Variants in PCDHA11 observed in about 807,000 individuals in gnomAD.
The protein encoded by PCDHA11 is protocadherin alpha 11, also known as protocadherin alpha-11.
A neutral mutation model predicts 70.3 loss-of-function variants in PCDHA11; 61 were observed. The ratio of observed to expected loss-of-function variants is 0.87; its 90% CI spans 0.71 to 1.07. The LOEUF (loss-of-function observed/expected upper bound fraction) is 1.07. Among genes scored for constraint, PCDHA11 ranks in the 50% least tolerant of loss-of-function variants. PCDHA11 has a pLI of 0.00. For missense variants in PCDHA11, 1,324 were observed against 1,237.5 expected, an observed-to-expected ratio of 1.07 and a Z score of -1.05; for synonymous variants, 633 against 555.1, an observed-to-expected ratio of 1.14 and a Z score of -1.97.
intron 1 of PCDHA11, among the ~76,000 whole-genome samples, chr5:140,909,417 G>A (rs1016868783): frequency 2.0e-5 from 3 of 152,156 alleles, no homozygotes; most frequent in Non-Finnish European, 1.5e-5. Flanking sequence ...TTACCATTTG[G>A]TTAAACTTAT....
chr5:140,981,101 G>A (rs1484209084), intron 2 of PCDHA11, among the ~76,000 whole-genome samples: 1 of 152,196 alleles, frequency 6.6e-6, no homozygotes, highest in Non-Finnish European at 1.5e-5. Flanking sequence ...TTTAATGAGT[G>A]AATTTCTACT....
chr5:140,907,582 G>A (rs978225789), intron 1 of PCDHA11, among the ~76,000 whole-genome samples: 1 of 152,190 alleles, frequency 6.6e-6, no homozygotes, highest in Admixed American at 6.5e-5. Flanking sequence ...CAGGTAGCTG[G>A]CTGATCACCC....
chr5:140,935,286 C>T (rs1283279527), intron 1 of PCDHA11, among the ~76,000 whole-genome samples: 1 of 152,150 alleles, frequency 6.6e-6, no homozygotes, highest in Non-Finnish European at 1.5e-5. Context: ...TAAAGTTCAG[C>T]ACTCCGAGGT....
chr5:140,966,932 G>T, intron 1 of PCDHA11: 2 of 1,603,726 alleles, frequency 1.2e-6, no homozygotes, highest in Non-Finnish European at 1.7e-6. Context: ...GGCACCCGGC[G>T]CGCTCGTGGG....
intron 3 of PCDHA11, among the ~76,000 whole-genome samples, chr5:140,988,517 T>C (rs184897922): frequency 3.0e-3 from 461 of 152,278 alleles, no homozygotes; most frequent in Middle Eastern, 0.014. Context: ...CTTACTTAAG[T>C]CTCTGCTGGC....
intron 1 of PCDHA11, among the ~76,000 whole-genome samples, chr5:140,925,950 A>G (rs2082820493): frequency 6.6e-6 from 1 of 152,030 alleles, no homozygotes. Flanking sequence ...GGAGAAGGAG[A>G]AACTGCTATC....
At chr5:140,888,487 A>G (rs2061843954) in intron 1 of PCDHA11, among the ~76,000 whole-genome samples, 1 of 152,162 alleles carries the variant, frequency 6.6e-6, no homozygotes, top group Admixed American at 6.5e-5. Context: ...CTGTTGAGAA[A>G]CTCTGCTTTA....
intron 1 of PCDHA11, among the ~76,000 whole-genome samples, chr5:140,906,909 G>A (rs1477484139): frequency 1.3e-5 from 2 of 152,174 alleles, no homozygotes; most frequent in Admixed American, 6.5e-5. Flanking sequence ...TTAAAGGTAG[G>A]AGGAGCCCAA....
chr5:140,929,164 G>A (rs1554206780), intron 1 of PCDHA11: 10 of 1,614,150 alleles, frequency 6.2e-6, no homozygotes, highest in East Asian at 2.2e-5. Context: ...TCTCTATCGG[G>A]CCTCTCTGGG....
intron 1 of PCDHA11, chr5:140,876,905 C>T (rs782526620): frequency 2.5e-6 from 4 of 1,614,032 alleles, no homozygotes; most frequent in Non-Finnish European, 3.4e-6. Context: ...TTCACGGTGT[C>T]GGCATGGGAC....
At chr5:140,888,315 C>A (rs2061784289) in intron 1 of PCDHA11, among the ~76,000 whole-genome samples, 1 of 152,084 alleles carries the variant, frequency 6.6e-6, no homozygotes, top group Non-Finnish European at 1.5e-5. Flanking sequence ...TTGGCAATGC[C>A]TGGATACATT....
chr5:140,882,836 T>C (rs782210486), intron 1 of PCDHA11: 1 of 1,614,226 alleles, frequency 6.2e-7, no homozygotes, highest in South Asian at 1.1e-5. Flanking sequence ...TGAGCAAATG[T>C]CTTCATTATC....
In PCDHA11 at chr5:140,926,779, C is replaced by T. The variant is rs1262086128; in HGVS notation, c.2392-52170C>T. 8 of 1,398,696 alleles carry T rather than the reference C, an allele frequency of 5.7e-6. No individual in the cohort carries two copies. In the South Asian group the frequency reaches 1.2e-4, roughly 21 times the overall value. 86.6% of individuals were successfully genotyped at this position (1,398,696 alleles called of 1,614,324 possible). A position where few individuals can be genotyped will look rare whatever the true frequency, so the allele number is the denominator to read the frequency against. On this transcript the variant is annotated intron_variant, in intron 1 of 3. Transcript: ENST00000398640. ...CTGAGTATCCAGCCCGCAGCAGTGACGGCCGGCAGGAGCGTGCTCTTCCCC... is the reference window on the plus strand; with the variant it reads ...CTGAGTATCCAGCCCGCAGCAGTGATGGCCGGCAGGAGCGTGCTCTTCCCC...
Position 140,869,601 on chromosome 5 carries a change from T to C in PCDHA11, c.498T>C (p.Ala166=), listed in dbSNP as rs1581902552. Reference sequence around the variant, plus strand: ...CTGATGCTGACATTGAAGAGAATGCTCTATTGACCTACAGGCTAAGTAAAA... The same window carrying C: ...CTGATGCTGACATTGAAGAGAATGCCCTATTGACCTACAGGCTAAGTAAAA... The part of the protein sequence containing the change: ...GASDADIEEN[A]LLTYRLSKNE... Residue 166 remains alanine (A), a synonymous_variant, in exon 1 of 4, where the codon GCT becomes GCC. Coordinates refer to ENST00000398640, the MANE Select transcript of PCDHA11 (RefSeq NM_018902.5). 6.2e-7 allele frequency: 1 copy of C among 1,613,936 alleles called. No individual in the cohort carries two copies. The highest frequency in any genetic ancestry group is 2.2e-5 in the East Asian group (1 of 44,898).
At chr5:140,939,537 C>T (rs2092406859) in intron 1 of PCDHA11, among the ~76,000 whole-genome samples, 1 of 150,686 alleles carries the variant, frequency 6.6e-6, no homozygotes, top group Non-Finnish European at 1.5e-5. Context: ...TATACAGAGC[C>T]TCTATTTCTT....
In PCDHA11 at chr5:140,871,291, G is replaced by T. The variant is rs2052917819; in HGVS notation, c.2188G>T (p.Ala730Ser). 3 of 1,613,906 alleles carry T rather than the reference G, an allele frequency of 1.9e-6. No individual in the cohort carries two copies. Among genetic ancestry groups the T allele is most frequent in the African/African-American group, 2.7e-5 (2 of 75,070 alleles). ...LWWSATPTEG[A>S]CAPGKPTLVC... ...GTGGTCGGCAACGCCCACTGAGGGC[G>T]CGTGCGCGCCGGGGAAGCCCACGCT... Residue 730 changes from alanine (A) to serine (S), a missense_variant, in exon 1 of 4, where the codon GCG becomes TCG. By Grantham distance (99) the Ala-to-Ser change is moderately conservative. Transcript: ENST00000398640.
intron 1 of PCDHA11, chr5:140,968,812 T>C (rs782711806): frequency 6.2e-7 from 1 of 1,614,064 alleles, no homozygotes; most frequent in Non-Finnish European, 8.5e-7. Context: ...CTGTGGTGGA[T>C]AGGGTTTCCA....
At chr5:140,883,957 G>T (rs879988838) in intron 1 of PCDHA11, 1 of 1,613,246 alleles carries the variant, frequency 6.2e-7, no homozygotes, top group Non-Finnish European at 8.5e-7. Context: ...ACAACGCTCC[G>T]GCGCTGCTGA....
rs782362312 is a variant in PCDHA11 at position 140,884,131 on chromosome 5, G to T, written c.2391+12637G>T. 4 of 1,613,396 alleles carry T rather than the reference G, an allele frequency of 2.5e-6. No individual in the cohort carries two copies. In the South Asian group the frequency reaches 3.3e-5, roughly 13 times the overall value. On this transcript the variant is annotated intron_variant, in intron 1 of 3. Coordinates refer to ENST00000398640, the MANE Select transcript of PCDHA11 (RefSeq NM_018902.5). ...TGGCGGCGGTCGGCGCGCGCATCCCGTTCCGCGTGGGGCTGTACACTGGCG... is the reference window on the plus strand; with the variant it reads ...TGGCGGCGGTCGGCGCGCGCATCCCTTTCCGCGTGGGGCTGTACACTGGCG...
Sources: gnomAD v4.1 joint callset for allele counts (sites outside exome capture counted in the v4.1 genomes callset) on GRCh38, gnomAD v4.1.1 for gene constraint, MANE v1.5 for transcripts, NCBI Gene and HGNC (gene_info 2026-07-23, HGNC 2026-07-21) for gene names.